Variants in MTHFD2L observed in about 807,000 individuals in gnomAD.
MTHFD2L encodes bifunctional methylenetetrahydrofolate dehydrogenase/cyclohydrolase 2, mitochondrial.
Under a neutral mutation model 34.9 loss-of-function variants are expected in MTHFD2L, and 29 were observed. The ratio of observed to expected loss-of-function variants is 0.83; its 90% CI spans 0.62 to 1.13. The LOEUF is 1.13. Among genes scored for constraint, MTHFD2L ranks in the 50% most tolerant of loss-of-function variants. MTHFD2L has a pLI of 0.00. For missense variants in MTHFD2L, 481 were observed against 446.5 expected (o/e 1.08, Z -0.70); for synonymous variants, 167 against 155.7 (o/e 1.07, Z -0.54).
At chr4:74,228,587 G>T (rs1417787275) in intron 6 of MTHFD2L, among the ~76,000 whole-genome samples, 1 of 152,112 alleles carries the variant, frequency 6.6e-6, no homozygotes, top group Non-Finnish European at 1.5e-5. Context: ...CAATCCACTT[G>T]CAAGAAACAC....
intron 1 of MTHFD2L, among the ~76,000 whole-genome samples, chr4:74,137,447 A>G (rs776808765): frequency 2.6e-5 from 4 of 152,210 alleles, no homozygotes; most frequent in Non-Finnish European, 5.9e-5. Flanking sequence ...AATGGCTTGT[A>G]TCAAAAAGAT....
intron 6 of MTHFD2L, among the ~76,000 whole-genome samples, chr4:74,236,976 T>C (rs972868231): frequency 3.9e-5 from 6 of 152,180 alleles, no homozygotes; most frequent in Admixed American, 6.5e-5. Context: ...AAAAGTGGTT[T>C]AATAACACCC....
intron 5 of MTHFD2L, among the ~76,000 whole-genome samples, chr4:74,217,103 C>T (rs1055346448): frequency 1.3e-5 from 2 of 151,972 alleles, no homozygotes; most frequent in South Asian, 4.1e-4. Flanking sequence ...CCTGCCCTAG[C>T]CATATCTGCT....
intron 1 of MTHFD2L, among the ~76,000 whole-genome samples, chr4:74,129,556 C>T (rs924426646): frequency 3.3e-5 from 5 of 152,042 alleles, no homozygotes; most frequent in African/African-American, 1.2e-4. Context: ...ACACAACATA[C>T]CAGAATCTCT....
intron 6 of MTHFD2L, among the ~76,000 whole-genome samples, chr4:74,270,298 C>A (rs1227517881): frequency 6.6e-6 from 1 of 151,924 alleles, no homozygotes; most frequent in African/African-American, 2.4e-5. Context: ...TTAGGTATAT[C>A]TCATAATGTT....
chr4:74,206,881 T>A (rs1176114945), intron 5 of MTHFD2L, among the ~76,000 whole-genome samples: 2 of 152,142 alleles, frequency 1.3e-5, no homozygotes, highest in Non-Finnish European at 2.9e-5. Context: ...CAGATTTTAT[T>A]TCATATTCTT....
intron 1 of MTHFD2L, among the ~76,000 whole-genome samples, chr4:74,128,152 C>G (rs1006853346): frequency 6.6e-6 from 1 of 152,022 alleles, no homozygotes; most frequent in East Asian, 1.9e-4. Context: ...GTTACTAATA[C>G]TTGTGAAATG....
intron 1 of MTHFD2L, among the ~76,000 whole-genome samples, chr4:74,162,744 A>G (rs1725735334): frequency 6.6e-6 from 1 of 152,166 alleles, no homozygotes; most frequent in Non-Finnish European, 1.5e-5. Flanking sequence ...AGATTGAGAA[A>G]TTGAGGCTTA....
At chr4:74,164,277 A>G (rs1265533229) in intron 1 of MTHFD2L, among the ~76,000 whole-genome samples, 3 of 152,234 alleles carry the variant, frequency 2.0e-5, no homozygotes, top group Non-Finnish European at 4.4e-5. Flanking sequence ...TGCCAAGTAT[A>G]CGAATTAAAT....
intron 1 of MTHFD2L, chr4:74,160,670 G>A (rs189785913): frequency 6.6e-5 from 10 of 152,066 alleles, no homozygotes; most frequent in Non-Finnish European, 4.4e-5. Flanking sequence ...CAGGCAAAAG[G>A]TTAAAAATGA....
upstream of MTHFD2L, among the ~76,000 whole-genome samples, chr4:74,118,466 T>A (rs1721693286): frequency 6.6e-6 from 1 of 152,204 alleles, no homozygotes. Flanking sequence ...TCATTAAGTA[T>A]TATGGACTGA....
intron 3 of MTHFD2L, among the ~76,000 whole-genome samples, chr4:74,184,930 A>C (rs1730865554): frequency 1.3e-5 from 2 of 152,016 alleles, no homozygotes; most frequent in African/African-American, 4.8e-5. Flanking sequence ...TGGGCAGATC[A>C]GGAGATTAGT....
At chr4:74,215,509 C>T (rs781157740) in intron 5 of MTHFD2L, among the ~76,000 whole-genome samples, 1 of 151,618 alleles carries the variant, frequency 6.6e-6, no homozygotes, top group African/African-American at 2.4e-5. Flanking sequence ...CTTCAGTTCG[C>T]CCTCTGTAGG....
At position 74,174,513 on chromosome 4, in the gene MTHFD2L, G is replaced by A. The variant is rs745907622; in HGVS notation, c.151G>A (p.Ala51Thr). The change falls in exon 2 of 8, where the codon GCC becomes ACC. Residue 51 changes from alanine (A) to threonine (T), a missense_variant. Coordinates refer to ENST00000325278, the MANE Select transcript of MTHFD2L (RefSeq NM_001144978.3). ...TTGTTTTGCTTTCCACAGACATGAAGCCATTATTATATCAGGAACCGAAAT... is the reference window on the plus strand; with the variant it reads ...TTGTTTTGCTTTCCACAGACATGAAACCATTATTATATCAGGAACCGAAAT... ...GFRSSGVRHE[A>T]IIISGTEMAK... The A allele has an allele frequency of 3.2e-6, 5 of 1,539,118 alleles. No individual in the cohort carries two copies. The highest frequency in any genetic ancestry group is 1.7e-4 in the Middle Eastern group (1 of 5,762).
At chr4:74,286,732 T>C (rs1748226908) in intron 7 of MTHFD2L, among the ~76,000 whole-genome samples, 1 of 152,324 alleles carries the variant, frequency 6.6e-6, no homozygotes, top group South Asian at 2.1e-4. Context: ...TTAGTAGCTT[T>C]GCTTCAATTT....
intron 1 of MTHFD2L, among the ~76,000 whole-genome samples, chr4:74,173,845 A>G (rs1007039620): frequency 6.6e-6 from 1 of 152,192 alleles, no homozygotes; most frequent in Non-Finnish European, 1.5e-5. Context: ...GTATATACAT[A>G]TGTATGCATA....
chr4:74,210,219 T>G (rs540124418), intron 5 of MTHFD2L, among the ~76,000 whole-genome samples: 27 of 152,232 alleles, frequency 1.8e-4, no homozygotes, highest in Non-Finnish European at 3.5e-4. Flanking sequence ...CAATTTTGGC[T>G]TTTGTTGCCA....
At chr4:74,261,482 T>C (rs1042441698) in intron 6 of MTHFD2L, among the ~76,000 whole-genome samples, 7 of 152,062 alleles carry the variant, frequency 4.6e-5, no homozygotes, top group African/African-American at 1.7e-4. Context: ...TCTGAGCAAG[T>C]AGAGCTCTAA....
At chr4:74,153,305 G>T (rs375627122), upstream of MTHFD2L, among the ~76,000 whole-genome samples, 5 of 152,090 alleles carry the variant, frequency 3.3e-5, no homozygotes, top group East Asian at 3.8e-4. Flanking sequence ...GATAACTGAC[G>T]ATATAAATGG....
Sources: gnomAD v4.1 joint callset for allele counts (sites outside exome capture counted in the v4.1 genomes callset) on GRCh38, gnomAD v4.1.1 for gene constraint, MANE v1.5 for transcripts, NCBI Gene and HGNC (gene_info 2026-07-23, HGNC 2026-07-21) for gene names.